POPDC3: variants seen among roughly 807,000 people sequenced by gnomAD.
POPDC3 encodes popeye domain cAMP effector 3.
POPDC3 carries 20 observed loss-of-function variants against 28.2 expected under a neutral mutation model. The observed-to-expected ratio is 0.71, with a 90% CI of 0.50 to 1.03. The LOEUF is 1.03. Ranked by LOEUF, POPDC3 falls within the 50% of genes least tolerant of loss-of-function variation. POPDC3 has a pLI of 0.00. For missense variants in POPDC3, 316 were observed against 345.9 expected (o/e 0.91, Z 0.69); for synonymous variants, 118 against 124.1 (o/e 0.95, Z 0.33).
intron 1 of POPDC3, chr6:105,178,561 AAGACACACACAC>A (rs1774722227): frequency 8.5e-6 from 1 of 117,790 alleles, no homozygotes; most frequent in Admixed American, 1.5e-4. Flanking sequence ...CAAACTCCTG[AAGACACACACAC>A]ACACACACAC....
In POPDC3 at chr6:105,168,361, A is replaced by T. The variant is rs1362010467; in HGVS notation, c.-251-6201T>A. Among the ~76,000 whole-genome samples the T allele has an allele frequency of 3.9e-5, 6 of 152,362 alleles. No individual in the cohort carries two copies. The East Asian group carries it at 1.2e-3, about 29-fold the overall frequency. On this transcript the variant is annotated intron_variant, in intron 1 of 3. Coordinates refer to ENST00000254765, the MANE Select transcript of POPDC3 (RefSeq NM_022361.5). Reference sequence around the variant, plus strand: ...CACAATACTTGGAGACTCTTCATGTACCACTAATCTCTTAGGCTGGAGCAT... The same window carrying T: ...CACAATACTTGGAGACTCTTCATGTTCCACTAATCTCTTAGGCTGGAGCAT...
chr6:105,165,550 T>C (rs578042563), intron 1 of POPDC3, among the ~76,000 whole-genome samples: 123 of 152,308 alleles, frequency 8.1e-4, no homozygotes, highest in African/African-American at 2.9e-3. Context: ...GTAACAGATA[T>C]TGTAACATCT....
intron 1 of POPDC3, among the ~76,000 whole-genome samples, chr6:105,170,382 A>G (rs1283428122): frequency 3.3e-5 from 5 of 152,218 alleles, no homozygotes; most frequent in Non-Finnish European, 5.9e-5. Context: ...AGTGACCTAT[A>G]TGCAGAAAAT....
chr6:105,168,287 A>G (rs1259493049), intron 1 of POPDC3, among the ~76,000 whole-genome samples: 1 of 152,144 alleles, frequency 6.6e-6, no homozygotes, highest in African/African-American at 2.4e-5. Context: ...TTCTCATTTC[A>G]TCTTCTGATA....
chr6:105,175,166 CA>C lies in POPDC3; in HGVS notation c.-252+4666del, dbSNP rs1186170432. 7.5e-4 allele frequency among the ~76,000 whole-genome samples: 104 copies of C among 139,552 alleles called. 1 individual carries two copies. The highest frequency in any genetic ancestry group is 4.5e-3 in the Admixed American group (63 of 13,962). The allele number at this position is 139,552 out of a possible 152,430, so 91.6% of individuals were successfully genotyped here. The stretch of plus-strand genomic sequence containing the variant: ...TGGGCAACAGAGCAAGACTCCATCT[CA>C]AAAAAAAAAAATTGTATCTGAAATG... On this transcript the variant is annotated intron_variant, in intron 1 of 3. Coordinates refer to ENST00000254765, the MANE Select transcript of POPDC3 (RefSeq NM_022361.5).
chr6:105,166,201 A>G (rs578024845), intron 1 of POPDC3, among the ~76,000 whole-genome samples: 26 of 152,290 alleles, frequency 1.7e-4, no homozygotes, highest in South Asian at 8.3e-4. Flanking sequence ...TAAGAGCTCT[A>G]AAATGACATG....
At chr6:105,166,248 A>G (rs1774452847) in intron 1 of POPDC3, among the ~76,000 whole-genome samples, 1 of 152,192 alleles carries the variant, frequency 6.6e-6, no homozygotes. Flanking sequence ...GATTCCAAAC[A>G]TGGGTCAAAA....
intron 1 of POPDC3, among the ~76,000 whole-genome samples, chr6:105,167,978 T>C (rs930025251): frequency 6.6e-6 from 1 of 152,186 alleles, no homozygotes. Flanking sequence ...AGACTTGGCA[T>C]GATGCTATGC....
At chr6:105,159,552 G>C (rs1774273392) in intron 3 of POPDC3, among the ~76,000 whole-genome samples, 159 bp downstream of exon 3, 1 of 152,172 alleles carries the variant, frequency 6.6e-6, no homozygotes, top group Admixed American at 6.5e-5. Flanking sequence ...TAATCATCAA[G>C]AGTCCAGCAG....
chr6:105,164,923 G>A (rs1774427756), intron 1 of POPDC3, among the ~76,000 whole-genome samples: 2 of 152,196 alleles, frequency 1.3e-5, no homozygotes, highest in African/African-American at 4.8e-5. Context: ...AAGATACAAG[G>A]ATGCTCAATG....
At chr6:105,175,445 G>A (rs1774664559) in intron 1 of POPDC3, among the ~76,000 whole-genome samples, 1 of 151,934 alleles carries the variant, frequency 6.6e-6, no homozygotes, top group African/African-American at 2.4e-5. Flanking sequence ...GGCTGAGGTG[G>A]GAGGACTGCT....
chr6:105,163,740 C>G (rs1210511981), intron 1 of POPDC3: 1 of 151,058 alleles, frequency 6.6e-6, no homozygotes, highest in African/African-American at 2.4e-5. Context: ...ATTCTTTTCT[C>G]AGTAAGTAAT....
chr6:105,172,636 C>T (rs1030683532), intron 1 of POPDC3, among the ~76,000 whole-genome samples: 1 of 150,682 alleles, frequency 6.6e-6, no homozygotes, highest in Non-Finnish European at 1.5e-5. Flanking sequence ...GGAACCAACC[C>T]AAATGTCCAA....
chr6:105,162,536 A>C (rs1313889703), intron 1 of POPDC3, among the ~76,000 whole-genome samples: 1 of 152,194 alleles, frequency 6.6e-6, no homozygotes, highest in African/African-American at 2.4e-5. Context: ...GTTCGAGACC[A>C]GCCTGGCCAA....
intron 1 of POPDC3, among the ~76,000 whole-genome samples, chr6:105,165,626 A>T (rs542899166): frequency 6.6e-6 from 1 of 152,348 alleles, no homozygotes; most frequent in East Asian, 1.9e-4. Context: ...GCAAAAACAC[A>T]GAGGAGCTGG....
chr6:105,179,781 C>A (rs1369944580), intron 1 of POPDC3, 52 bp downstream of exon 1: 3 of 152,202 alleles, frequency 2.0e-5, no homozygotes, highest in African/African-American at 4.8e-5. Flanking sequence ...TGCGAGGGTG[C>A]GGACAGCACC....
intron 1 of POPDC3, among the ~76,000 whole-genome samples, chr6:105,168,411 G>A (rs867638512): frequency 1.7e-4 from 26 of 152,202 alleles, no homozygotes; most frequent in Admixed American, 1.0e-3. Context: ...TTATCAATGA[G>A]ATCTTGGAGT....
chr6:105,172,795 C>G (rs1774606464), intron 1 of POPDC3, among the ~76,000 whole-genome samples: 1 of 139,410 alleles, frequency 7.2e-6, no homozygotes, highest in African/African-American at 2.8e-5. Flanking sequence ...GACAAAAAAC[C>G]AAACACCGCA....
chr6:105,179,198 A>C (rs1774735414), intron 1 of POPDC3: 1 of 985,394 alleles, frequency 1.0e-6, no homozygotes, highest in African/African-American at 1.7e-5. Flanking sequence ...GGGGTTGGCA[A>C]ATTTCTTTTT....
Sources: allele counts gnomAD v4.1 joint callset (sites outside exome capture counted in the v4.1 genomes callset), GRCh38; gene constraint gnomAD v4.1.1; transcripts MANE v1.5; gene names NCBI Gene and HGNC (gene_info 2026-07-23, HGNC 2026-07-21).